Variants in UGGT2 observed in about 807,000 individuals in gnomAD.
UGGT2 encodes the protein UDP-glucose glycoprotein glucosyltransferase 2.
Under a neutral mutation model 192.1 loss-of-function variants are expected in UGGT2, and 180 were observed. That is an observed-to-expected ratio of 0.94 (90% CI 0.83 to 1.06). The LOEUF (loss-of-function observed/expected upper bound fraction) is 1.06, where lower values mean the gene tolerates loss of function less well. Among genes scored for constraint, UGGT2 ranks in the 50% least tolerant of loss-of-function variants. The probability of loss-of-function intolerance (pLI) is 0.00; values close to 1 mark genes in which losing one functional copy is unlikely to be tolerated. For synonymous variants in UGGT2, 580 were observed against 591.0 expected (o/e 0.98, Z 0.27); for missense variants, 1,849 against 1,795.7 (o/e 1.03, Z -0.54).
chr13:95,979,660 T>C (rs998720909), intron 10 of UGGT2, among the ~76,000 whole-genome samples: 7 of 151,808 alleles, frequency 4.6e-5, no homozygotes, highest in Admixed American at 2.0e-4. Flanking sequence ...TAAGGAAAGA[T>C]TGTTATTATG....
At chr13:95,997,566 C>T (rs1375061979) in intron 6 of UGGT2, among the ~76,000 whole-genome samples, 1 of 152,054 alleles carries the variant, frequency 6.6e-6, no homozygotes, top group Non-Finnish European at 1.5e-5. Flanking sequence ...TTGCTTCAAT[C>T]CGGGAGGCAG....
chr13:96,028,130 A>G (rs1367205206), intron 2 of UGGT2, among the ~76,000 whole-genome samples: 1 of 152,128 alleles, frequency 6.6e-6, no homozygotes, highest in Non-Finnish European at 1.5e-5. Context: ...TTTCATATTG[A>G]TCACTCTGAA....
chr13:95,982,140 C>T (rs1200736766), intron 10 of UGGT2, among the ~76,000 whole-genome samples: 1 of 152,172 alleles, frequency 6.6e-6, no homozygotes, highest in South Asian at 2.1e-4. Flanking sequence ...CCTGAGTAAG[C>T]TGGCATACTC....
At chr13:95,845,993 C>T (rs1017179616) in intron 36 of UGGT2, among the ~76,000 whole-genome samples, 4 of 152,092 alleles carry the variant, frequency 2.6e-5, no homozygotes, top group Non-Finnish European at 4.4e-5. Flanking sequence ...GGCGGCCAGG[C>T]AGAGACGCTC....
chr13:95,910,593 T>G (rs1377683920), intron 20 of UGGT2, among the ~76,000 whole-genome samples: 2 of 152,068 alleles, frequency 1.3e-5, no homozygotes, highest in East Asian at 3.9e-4. Context: ...ATAAAGCAAG[T>G]CCTCAGAGAC....
At position 95,949,402 on chromosome 13, in the gene UGGT2, C is replaced by A; in HGVS notation, c.1388G>T (p.Cys463Phe). Residue 463 changes from cysteine to phenylalanine, a missense_variant, in exon 13 of 39, where the codon TGC becomes TTC. By Grantham distance (205) the Cys-to-Phe change is radical. Coordinates refer to ENST00000376747, the MANE Select transcript of UGGT2 (RefSeq NM_020121.4). ...AAATACTGGCTTCAGAAGTTTCTGG[C>A]AACTTGTAGGCCATGTAATATACAA... is the stretch of plus-strand genomic sequence containing the variant. ...DDLYITWPTS[C>F]QKLLKPVFPG... 6.3e-7 allele frequency: 1 copy of A among 1,584,854 alleles called. No homozygotes were observed. Among genetic ancestry groups the A allele is most frequent in the Non-Finnish European group, 8.6e-7 (1 of 1,164,208 alleles).
At chr13:95,848,852 T>C (rs1888736812) in intron 36 of UGGT2, among the ~76,000 whole-genome samples, 1 of 152,234 alleles carries the variant, frequency 6.6e-6, no homozygotes, top group Non-Finnish European at 1.5e-5. Context: ...AATCTATAAA[T>C]TGATCTGGGA....
chr13:95,969,486 G>A (rs2050697947), intron 12 of UGGT2, among the ~76,000 whole-genome samples: 1 of 152,118 alleles, frequency 6.6e-6, no homozygotes, highest in Non-Finnish European at 1.5e-5. Context: ...CTCAGAAAGG[G>A]CTATTTCAAC....
chr13:96,015,800 T>C (rs2052318630), intron 4 of UGGT2, among the ~76,000 whole-genome samples: 1 of 152,226 alleles, frequency 6.6e-6, no homozygotes, highest in African/African-American at 2.4e-5. Context: ...CAAAGATATA[T>C]GTACAAGGAA....
At chr13:96,042,781 G>C (rs911784531) in intron 1 of UGGT2, among the ~76,000 whole-genome samples, 1 of 151,858 alleles carries the variant, frequency 6.6e-6, no homozygotes, top group Non-Finnish European at 1.5e-5. Flanking sequence ...TTGAGGACAC[G>C]GTTTTAAAAT....
intron 5 of UGGT2, among the ~76,000 whole-genome samples, chr13:96,000,326 C>G (rs951837521): frequency 1.9e-4 from 29 of 152,250 alleles, no homozygotes; most frequent in African/African-American, 6.3e-4. Context: ...TTCTACCAAG[C>G]CTTATTGATA....
chr13:95,952,005 C>T (rs1011406806), intron 12 of UGGT2, among the ~76,000 whole-genome samples: 5 of 151,028 alleles, frequency 3.3e-5, no homozygotes, highest in Non-Finnish European at 7.4e-5. Context: ...TTGTGGTAAG[C>T]TGAGATTGCA....
intron 10 of UGGT2, among the ~76,000 whole-genome samples, chr13:95,982,584 T>C (rs2051161736): frequency 6.6e-6 from 1 of 152,110 alleles, no homozygotes; most frequent in African/African-American, 2.4e-5. Context: ...TCAAGCCTAT[T>C]TGTAAAATCC....
rs2049936104 is a variant in UGGT2 at position 95,948,069 on chromosome 13, C to T, written c.1468G>A (p.Asp490Asn). The T allele has an allele frequency of 1.4e-5, 23 of 1,612,276 alleles. No homozygotes were observed. Among genetic ancestry groups the T allele is most frequent in the Non-Finnish European group, 1.9e-5 (22 of 1,179,186 alleles). The change falls in exon 14 of 39, where the codon GAT (aspartate) becomes AAT (asparagine). Residue 490 changes from aspartate (D) to asparagine (N), a missense_variant. Asp to Asn is a conservative substitution (Grantham distance 23). Transcript: ENST00000376747. The part of the protein sequence containing the change: ...RNFHNLVLFI[D>N]PAQEYTLDFI... ...TCCAAGGTATATTCTTGGGCCGGAT[C>T]AATAAACAGAACCTAAAAGAAAGAT...
chr13:95,897,229 T>A (rs1424545097), intron 22 of UGGT2, among the ~76,000 whole-genome samples: 1 of 151,968 alleles, frequency 6.6e-6, no homozygotes, highest in East Asian at 1.9e-4. Flanking sequence ...ATTGTCCAAA[T>A]GAAGAAATCA....
intron 12 of UGGT2, among the ~76,000 whole-genome samples, chr13:95,967,807 C>A (rs937832113): frequency 1.3e-5 from 2 of 152,112 alleles, no homozygotes; most frequent in Non-Finnish European, 2.9e-5. Context: ...CTGATTTACA[C>A]GTCCTCAGTT....
Position 95,863,620 on chromosome 13 carries a change from A to T in UGGT2, c.3644+9T>A, listed in dbSNP as rs564969993. The T allele has an allele frequency of 6.4e-7, 1 of 1,563,920 alleles. No individual in the cohort carries two copies. Among genetic ancestry groups the T allele is most frequent in the East Asian group, 2.2e-5 (1 of 44,510 alleles). On this transcript the variant is annotated intron_variant, in intron 31 of 38. Coordinates refer to ENST00000376747, the MANE Select transcript of UGGT2 (RefSeq NM_020121.4). The stretch of plus-strand genomic sequence containing the variant: ...CTAGTGATGTATTAAAATATTCATT[A>T]GTAATTACCTTTTAATGGAATCCCA...
At chr13:96,036,061 T>C (rs1178090871) in intron 1 of UGGT2, among the ~76,000 whole-genome samples, 5 of 152,312 alleles carry the variant, frequency 3.3e-5, no homozygotes, top group Admixed American at 1.3e-4. Context: ...ACTGGGTGTA[T>C]ACCCAAAGGA....
intron 36 of UGGT2, among the ~76,000 whole-genome samples, chr13:95,847,003 C>G (rs969044462): frequency 2.9e-4 from 44 of 149,950 alleles, no homozygotes; most frequent in African/African-American, 1.1e-3. Flanking sequence ...CTCAAAGAAC[C>G]AGCTTTGGTT....
Sources: allele counts gnomAD v4.1 joint callset (sites outside exome capture counted in the v4.1 genomes callset), GRCh38; gene constraint gnomAD v4.1.1; transcripts MANE v1.5; gene names NCBI Gene and HGNC (gene_info 2026-07-23, HGNC 2026-07-21).